The following DOCK3 variants were observed in gnomAD, a reference collection of about 807,000 sequenced individuals.
The protein encoded by DOCK3 is dedicator of cytokinesis 3.
In DOCK3, 60 loss-of-function variants were observed where a neutral mutation model predicts 265.6. The observed-to-expected ratio is 0.23, with a 90% CI of 0.18 to 0.28. The LOEUF (loss-of-function observed/expected upper bound fraction) is 0.28, where lower values mean the gene tolerates loss of function less well. DOCK3 is among the 10% of genes least tolerant of loss of function. DOCK3 has a pLI of 1.00. For missense variants in DOCK3, 1,981 were observed against 2,594.3 expected, an observed-to-expected ratio of 0.76 and a Z score of 5.14; for synonymous variants, 881 against 938.0, an observed-to-expected ratio of 0.94 and a Z score of 1.11.
intron 27 of DOCK3, among the ~76,000 whole-genome samples, chr3:51,290,938 C>T (rs1222540615): frequency 2.0e-5 from 3 of 151,966 alleles, no homozygotes; most frequent in South Asian, 4.2e-4. Context: ...ATTAGCCAGG[C>T]GTGGTGGCGG....
At chr3:51,227,469 AC>A in intron 16 of DOCK3, 24 bp downstream of exon 16, 1 of 1,613,226 alleles carries the variant, frequency 6.2e-7, no homozygotes, top group Non-Finnish European at 8.5e-7. Context: ...CCCCCCCTCC[AC>A]ATTCCCTTGA....
chr3:51,219,222 G>GT (rs1270842552), intron 14 of DOCK3, among the ~76,000 whole-genome samples: 1 of 152,140 alleles, frequency 6.6e-6, no homozygotes, highest in Non-Finnish European at 1.5e-5. Flanking sequence ...AATTGTTCTT[G>GT]TTTTTCTCTG....
At chr3:51,271,243 T>C (rs1008768625) in intron 24 of DOCK3, among the ~76,000 whole-genome samples, 2 of 152,204 alleles carry the variant, frequency 1.3e-5, no homozygotes, top group African/African-American at 4.8e-5. Flanking sequence ...GGCATGTCAC[T>C]GGGGTGGTGC....
At chr3:50,957,761 A>T (rs530064177) in intron 5 of DOCK3, among the ~76,000 whole-genome samples, 1 of 152,340 alleles carries the variant, frequency 6.6e-6, no homozygotes, top group East Asian at 1.9e-4. Flanking sequence ...CTTCTGGTAC[A>T]TGACAGATTG....
intron 10 of DOCK3, among the ~76,000 whole-genome samples, chr3:51,156,015 T>C (rs773701482): frequency 2.0e-5 from 3 of 152,196 alleles, no homozygotes; most frequent in Non-Finnish European, 4.4e-5. Context: ...TTTATATATT[T>C]ATTTATACTC....
intron 5 of DOCK3, among the ~76,000 whole-genome samples, chr3:51,020,290 G>A (rs749190960): frequency 3.3e-5 from 5 of 151,412 alleles, no homozygotes; most frequent in South Asian, 2.1e-4. Context: ...ATCTGTTCAC[G>A]TCTTTTGCCC....
In DOCK3 at chr3:51,246,717, C is replaced by G. The variant is rs1227280169; in HGVS notation, c.2103-9C>G. The stretch of plus-strand genomic sequence containing the variant: ...AAAGTGGGGTTTCTGGAACTGTTCT[C>G]TTTCCCAGGGAGCTCATCCGCTGTT... On this transcript the variant is annotated splice_polypyrimidine_tract_variant and intron_variant, in intron 21 of 52. Transcript: ENST00000266037. The G allele has an allele frequency of 1.2e-6, 2 of 1,611,602 alleles. No individual in the cohort carries two copies. Among genetic ancestry groups the G allele is most frequent in the Non-Finnish European group, 1.7e-6 (2 of 1,178,804 alleles).
At chr3:51,089,384 T>A in intron 8 of DOCK3, 100 bp downstream of exon 8, 1 of 1,397,988 alleles carries the variant, frequency 7.2e-7, no homozygotes, top group South Asian at 1.3e-5. Context: ...CACCACTGAC[T>A]TCTTGACTGT....
At chr3:50,740,289 T>A (rs1372539116) in intron 1 of DOCK3, among the ~76,000 whole-genome samples, 3 of 152,180 alleles carry the variant, frequency 2.0e-5, no homozygotes, top group Non-Finnish European at 2.9e-5. Flanking sequence ...TATGGATTAT[T>A]ACCAATTTTT....
chr3:51,146,256 T>A (rs1269100506), intron 9 of DOCK3, among the ~76,000 whole-genome samples: 2 of 152,216 alleles, frequency 1.3e-5, no homozygotes, highest in African/African-American at 2.4e-5. Context: ...GGGAGAAATA[T>A]AAGATACAGT....
intron 5 of DOCK3, among the ~76,000 whole-genome samples, chr3:51,012,235 T>C (rs1195068545): frequency 2.0e-5 from 3 of 152,172 alleles, no homozygotes; most frequent in Admixed American, 2.0e-4. Flanking sequence ...AAATACTCCA[T>C]TGCCCACAGA....
rs367627913 is a variant in DOCK3, at chr3:51,356,970, G to A, written c.4512G>A (p.Val1504=). 16 of 1,612,178 alleles carry A rather than the reference G, an allele frequency of 9.9e-6. No individual in the cohort carries two copies. Among genetic ancestry groups the A allele is most frequent in the Middle Eastern group, 1.8e-4 (1 of 5,710 alleles). The change falls in exon 44 of 53, where the codon GTG becomes GTA. Residue 1504 remains valine, a synonymous_variant. Transcript: ENST00000266037. The part of the protein sequence containing the change: ...FEVERRELVE[V]SPLENAIQVV... ...GTGCTGTGTGCCCCTAGGTGGAGGTGAGCCCTCTGGAGAATGCCATCCAAG... is the reference window on the plus strand; with the variant it reads ...GTGCTGTGTGCCCCTAGGTGGAGGTAAGCCCTCTGGAGAATGCCATCCAAG...
At chr3:51,328,498 C>T (rs1262842974) in intron 32 of DOCK3, among the ~76,000 whole-genome samples, 3 of 151,772 alleles carry the variant, frequency 2.0e-5, no homozygotes, top group South Asian at 2.1e-4. Flanking sequence ...GAGAGTGAGA[C>T]GGCTTCAATC....
intron 4 of DOCK3, among the ~76,000 whole-genome samples, chr3:50,924,663 T>C (rs574353264): frequency 6.6e-6 from 1 of 152,382 alleles, no homozygotes; most frequent in East Asian, 1.9e-4. Flanking sequence ...ACTTGGAATA[T>C]GTGTACCACA....
At chr3:50,752,772 T>A (rs1033784101) in intron 1 of DOCK3, among the ~76,000 whole-genome samples, 1 of 150,112 alleles carries the variant, frequency 6.7e-6, no homozygotes, top group Admixed American at 6.7e-5. Flanking sequence ...AGCAAGACTG[T>A]CTCAAAACAA....
intron 12 of DOCK3, among the ~76,000 whole-genome samples, chr3:51,176,521 G>A (rs2086964326): frequency 6.6e-6 from 1 of 152,192 alleles, no homozygotes; most frequent in African/African-American, 2.4e-5. Context: ...AGCTACTGGG[G>A]AGGCTGAGGC....
intron 5 of DOCK3, among the ~76,000 whole-genome samples, chr3:50,952,258 A>G (rs146911705): frequency 0.011 from 1,632 of 152,300 alleles, 20 homozygotes; most frequent in Non-Finnish European, 0.017. Flanking sequence ...GTTTTTACGT[A>G]ACAGGACCTG....
At chr3:51,183,860 C>A (rs996062099) in intron 12 of DOCK3, among the ~76,000 whole-genome samples, 1 of 152,084 alleles carries the variant, frequency 6.6e-6, no homozygotes. Flanking sequence ...CATACAGTTA[C>A]ATATTAAAAG....
At position 51,207,927 on chromosome 3, in the gene DOCK3, C is replaced by A. The variant is rs866476877; in HGVS notation, c.1038-847C>A. Among the ~76,000 whole-genome samples, 6 of 152,260 alleles carry A rather than the reference C, an allele frequency of 3.9e-5. No homozygotes were observed. In the South Asian group the frequency reaches 1.2e-3, roughly 32 times the overall value. ...GGAATTTTCAAGAGATGACCCTAAT[C>A]TTTTTCCAATTGTTTTATCAAGGTG... On this transcript the variant is annotated intron_variant, in intron 12 of 52. Transcript: ENST00000266037.
Sources: gnomAD v4.1 joint callset for allele counts (sites outside exome capture counted in the v4.1 genomes callset) on GRCh38, gnomAD v4.1.1 for gene constraint, MANE v1.5 for transcripts, NCBI Gene and HGNC (gene_info 2026-07-23, HGNC 2026-07-21) for gene names.